Variants in RNGTT observed in about 807,000 individuals in gnomAD.
The protein encoded by RNGTT is mRNA-capping enzyme.
A neutral mutation model predicts 79.3 loss-of-function variants in RNGTT; 33 were observed. The ratio of observed to expected loss-of-function variants is 0.42; its 90% CI spans 0.32 to 0.56. The LOEUF (loss-of-function observed/expected upper bound fraction) is 0.56. Among genes scored for constraint, RNGTT ranks in the 20% least tolerant of loss-of-function variants. RNGTT has a pLI of 0.17. For missense variants in RNGTT, 497 were observed against 739.1 expected (o/e 0.67, Z 3.80); for synonymous variants, 222 against 235.9 (o/e 0.94, Z 0.54).
chr6:88,741,773 T>A (rs372649698), intron 13 of RNGTT, among the ~76,000 whole-genome samples: 8 of 152,280 alleles, frequency 5.3e-5, no homozygotes, highest in Middle Eastern at 6.8e-3. Context: ...TGGTTATATG[T>A]GGGTAATGGG....
At chr6:88,766,178 A>T in intron 13 of RNGTT, among the ~76,000 whole-genome samples, 1 of 152,158 alleles carries the variant, frequency 6.6e-6, no homozygotes. Context: ...GAAGAACTTG[A>T]CACACAGAAA....
intron 13 of RNGTT, among the ~76,000 whole-genome samples, chr6:88,731,287 C>T (rs537458739): frequency 6.6e-6 from 1 of 152,212 alleles, no homozygotes; most frequent in South Asian, 2.1e-4. Flanking sequence ...TAAAAGAAAC[C>T]TCAAACTAAA....
At chr6:88,948,504 C>G (rs1213410695) in intron 1 of RNGTT, among the ~76,000 whole-genome samples, 47 of 142,736 alleles carry the variant, frequency 3.3e-4, no homozygotes, top group Middle Eastern at 3.8e-3. Flanking sequence ...GTCAGCCCCC[C>G]GCCCGGCCGG....
In RNGTT at chr6:88,939,206, G is replaced by A. The variant is rs142990021; in HGVS notation, c.174+1865C>T. On this transcript the variant is annotated intron_variant, in intron 2 of 15. Coordinates refer to ENST00000369485, the MANE Select transcript of RNGTT (RefSeq NM_003800.5). ...ATTAAATAGGTTTTCTAACCCTTTT[G>A]TTCTCTCTTCATCTTCTGGAACACC... is the stretch of plus-strand genomic sequence containing the variant. Among the ~76,000 whole-genome samples, 691 of 152,178 alleles carry A rather than the reference G, an allele frequency of 4.5e-3. 5 individuals are homozygous for A. The highest frequency in any genetic ancestry group is 0.015 in the African/African-American group (633 of 41,536).
intron 13 of RNGTT, among the ~76,000 whole-genome samples, chr6:88,766,137 A>G (rs1778452530): frequency 6.6e-6 from 1 of 152,148 alleles, no homozygotes; most frequent in African/African-American, 2.4e-5. Flanking sequence ...ATCCTTACAG[A>G]CGTCTTATGA....
intron 1 of RNGTT, among the ~76,000 whole-genome samples, chr6:88,962,648 G>A (rs1445022733): frequency 6.6e-6 from 1 of 152,156 alleles, no homozygotes; most frequent in African/African-American, 2.4e-5. Flanking sequence ...GCACGCGCCT[G>A]TAATCCCAGC....
At chr6:88,673,887 T>C (rs958238905) in intron 14 of RNGTT, among the ~76,000 whole-genome samples, 1 of 152,216 alleles carries the variant, frequency 6.6e-6, no homozygotes, top group Non-Finnish European at 1.5e-5. Context: ...ACTTCAGCTC[T>C]AATAAAGAGA....
intron 13 of RNGTT, among the ~76,000 whole-genome samples, chr6:88,739,955 C>A (rs997170629): frequency 1.3e-5 from 2 of 151,464 alleles, no homozygotes; most frequent in African/African-American, 2.4e-5. Flanking sequence ...CTAATTAATA[C>A]CATCTTAGAG....
chr6:88,679,938 G>A (rs1341150084), intron 13 of RNGTT, among the ~76,000 whole-genome samples: 3 of 152,148 alleles, frequency 2.0e-5, no homozygotes, highest in South Asian at 2.1e-4. Flanking sequence ...ACTATGCAAC[G>A]TCACTTCTCA....
At chr6:88,630,992 G>A (rs1437400182) in intron 14 of RNGTT, among the ~76,000 whole-genome samples, 3 of 152,050 alleles carry the variant, frequency 2.0e-5, no homozygotes, top group Non-Finnish European at 4.4e-5. Context: ...CTTTATTACA[G>A]CTTATTATAA....
At chr6:88,739,806 T>C (rs184335495) in intron 13 of RNGTT, among the ~76,000 whole-genome samples, 19 of 123,772 alleles carry the variant, frequency 1.5e-4, no homozygotes, top group Admixed American at 9.9e-4. Flanking sequence ...TTATCTAAAC[T>C]AACATTGTTT....
chr6:88,771,197 T>G (rs920207637), intron 12 of RNGTT, among the ~76,000 whole-genome samples: 6 of 150,812 alleles, frequency 4.0e-5, no homozygotes, highest in Non-Finnish European at 8.9e-5. Context: ...AATTTTCTAC[T>G]ATGTTTTCTT....
At chr6:88,922,351 C>T (rs1172580444) in intron 4 of RNGTT, among the ~76,000 whole-genome samples, 1 of 152,032 alleles carries the variant, frequency 6.6e-6, no homozygotes, top group African/African-American at 2.4e-5. Flanking sequence ...CCTTAAACTA[C>T]ATTTTAGAGC....
chr6:88,646,200 C>T (rs1344098674), intron 14 of RNGTT, among the ~76,000 whole-genome samples: 5 of 152,206 alleles, frequency 3.3e-5, no homozygotes, highest in East Asian at 1.9e-4. Context: ...TGAACAGACA[C>T]TTCTCAAAAG....
At chr6:88,632,720 G>GA (rs377649646) in intron 14 of RNGTT, among the ~76,000 whole-genome samples, 1 of 151,786 alleles carries the variant, frequency 6.6e-6, no homozygotes, top group Non-Finnish European at 1.5e-5. Flanking sequence ...AGTCAGGGGG[G>GA]AAAAAAATCT....
At chr6:88,634,124 C>T (rs1338044646) in intron 14 of RNGTT, among the ~76,000 whole-genome samples, 3 of 152,078 alleles carry the variant, frequency 2.0e-5, no homozygotes, top group Non-Finnish European at 4.4e-5. Flanking sequence ...ATAATATATA[C>T]TTTAAACATG....
intron 11 of RNGTT, among the ~76,000 whole-genome samples, chr6:88,836,801 T>C (rs1781096142): frequency 6.6e-6 from 1 of 151,888 alleles, no homozygotes; most frequent in Non-Finnish European, 1.5e-5. Flanking sequence ...AAAAAATTAA[T>C]CTAAAAGTTC....
At chr6:88,926,367 T>A (rs983652714) in intron 4 of RNGTT, among the ~76,000 whole-genome samples, 1 of 152,232 alleles carries the variant, frequency 6.6e-6, no homozygotes, top group African/African-American at 2.4e-5. Flanking sequence ...ATGTCTGATT[T>A]GCCAAACTAT....
intron 4 of RNGTT, among the ~76,000 whole-genome samples, chr6:88,918,291 C>T (rs1364183828): frequency 1.3e-5 from 2 of 152,172 alleles, no homozygotes; most frequent in Non-Finnish European, 2.9e-5. Flanking sequence ...CCACTGCACT[C>T]CAGCCTGGAT....
Sources: gnomAD v4.1 joint callset for allele counts (sites outside exome capture counted in the v4.1 genomes callset) on GRCh38, gnomAD v4.1.1 for gene constraint, MANE v1.5 for transcripts, NCBI Gene and HGNC (gene_info 2026-07-23, HGNC 2026-07-21) for gene names.